Variants in ZDHHC13 observed in about 807,000 individuals in gnomAD.
ZDHHC13 encodes the protein palmitoyltransferase ZDHHC13.
ZDHHC13 carries 85 observed loss-of-function variants against 86.0 expected under a neutral mutation model. The observed-to-expected ratio is 0.99, with a 90% confidence interval of 0.83 to 1.18. ZDHHC13 has a LOEUF of 1.18. Among genes scored for constraint, ZDHHC13 ranks in the 50% most tolerant of loss-of-function variants. ZDHHC13 has a pLI of 0.00. For missense variants in ZDHHC13, 711 were observed against 730.2 expected (o/e 0.97, Z 0.30); for synonymous variants, 263 against 246.4 (o/e 1.07, Z -0.63).
chr11:19,162,835 G>A (rs1849949969), intron 10 of ZDHHC13, among the ~76,000 whole-genome samples: 2 of 152,092 alleles, frequency 1.3e-5, no homozygotes, highest in Non-Finnish European at 2.9e-5. Context: ...CTTTCACAAA[G>A]GATCTTGCCC....
intron 1 of ZDHHC13, among the ~76,000 whole-genome samples, chr11:19,129,121 T>C (rs560215480): frequency 2.6e-5 from 4 of 152,356 alleles, no homozygotes; most frequent in African/African-American, 9.6e-5. Flanking sequence ...ATTTGAAGTA[T>C]TTTACCTTTT....
rs1452480948 is a variant in ZDHHC13, at chr11:19,176,266, A to G, written c.*306A>G. Reference sequence around the variant, plus strand: ...TGGATAAAATGGAATATTTTCAGATACTATATTGGCTGTTTCAAAATAGTA... The same window carrying G: ...TGGATAAAATGGAATATTTTCAGATGCTATATTGGCTGTTTCAAAATAGTA... On this transcript the variant is annotated 3_prime_UTR_variant, in exon 17 of 17. Transcript: ENST00000446113. 7 of 207,266 alleles carry G rather than the reference A, an allele frequency of 3.4e-5. No individual in the cohort carries two copies. The highest frequency in any genetic ancestry group is 6.6e-5 in the Non-Finnish European group (7 of 105,610). The allele number at this position is 207,266 out of a possible 1,614,324, so 12.8% of individuals were successfully genotyped here. A position where few individuals can be genotyped will look rare whatever the true frequency, so the allele number is the denominator to read the frequency against.
intron 1 of ZDHHC13, among the ~76,000 whole-genome samples, chr11:19,128,880 A>G (rs1330847930): frequency 6.6e-6 from 1 of 152,214 alleles, no homozygotes; most frequent in African/African-American, 2.4e-5. Context: ...TCAACGCCAG[A>G]CCACACATAT....
intron 1 of ZDHHC13, among the ~76,000 whole-genome samples, chr11:19,121,177 T>A (rs77216857): frequency 0.036 from 5,539 of 152,286 alleles, 214 homozygotes; most frequent in East Asian, 0.21. Context: ...TTTCCAAAGG[T>A]TCATGGCAAG....
chr11:19,141,170 A>G (rs1849309907), intron 1 of ZDHHC13, among the ~76,000 whole-genome samples: 1 of 152,050 alleles, frequency 6.6e-6, no homozygotes, highest in Non-Finnish European at 1.5e-5. Flanking sequence ...ATTAAAGTTG[A>G]TTACTTTAAC....
chr11:19,126,959 C>T (rs1358311520), intron 1 of ZDHHC13, among the ~76,000 whole-genome samples: 1 of 152,110 alleles, frequency 6.6e-6, no homozygotes, highest in Non-Finnish European at 1.5e-5. Flanking sequence ...GATTTATAGT[C>T]CTTTGGGTAT....
At position 19,170,510 on chromosome 11, in the gene ZDHHC13, T is replaced by G. The variant is rs749687356; in HGVS notation, c.1574T>G (p.Met525Arg). Reference protein sequence around the residue: ...ACSPWVLYILMLATFHFSWST... With the variant: ...ACSPWVLYILRLATFHFSWST... Reference sequence around the variant, plus strand: ...TCCCCTTGGGTTTTATATATCTTGATGCTAGCAACTTTCCATTTCTCATGG... The same window carrying G: ...TCCCCTTGGGTTTTATATATCTTGAGGCTAGCAACTTTCCATTTCTCATGG... The change falls in exon 15 of 17, where the codon ATG (methionine) becomes AGG (arginine). Residue 525 changes from methionine to arginine, a missense_variant. Physicochemically the swap from Met to Arg is moderately conservative, Grantham distance 91. Coordinates refer to ENST00000446113, the MANE Select transcript of ZDHHC13 (RefSeq NM_019028.3). 4 of 1,534,620 alleles carry G rather than the reference T, an allele frequency of 2.6e-6. No individual in the cohort carries two copies. The highest frequency in any genetic ancestry group is 2.2e-5 in the Admixed American group (1 of 46,124).
intron 1 of ZDHHC13, among the ~76,000 whole-genome samples, chr11:19,129,013 T>G (rs1848934387): frequency 6.6e-6 from 1 of 152,246 alleles, no homozygotes. Context: ...AATGATATGT[T>G]TCTCAGAATA....
chr11:19,125,068 G>A (rs1470771673), intron 1 of ZDHHC13, among the ~76,000 whole-genome samples: 1 of 152,092 alleles, frequency 6.6e-6, no homozygotes, highest in Non-Finnish European at 1.5e-5. Flanking sequence ...CAAGACAGTA[G>A]TTTTTAGACG....
intron 14 of ZDHHC13, chr11:19,167,698 A>G (rs746576890): frequency 6.6e-6 from 1 of 152,220 alleles, no homozygotes; most frequent in African/African-American, 2.4e-5. Flanking sequence ...AATAGGTCTA[A>G]TAGTCAGAAG....
At position 19,175,740 on chromosome 11, in the gene ZDHHC13, A is replaced by G. The variant is rs917232829; in HGVS notation, c.1731-82A>G. ...CTGCAAGATGTTCAAAGGACATTGC[A>G]TATTATAGATTCTCCATAAATGTTT... On this transcript the variant is annotated intron_variant, in intron 16 of 16. Coordinates refer to ENST00000446113, the MANE Select transcript of ZDHHC13 (RefSeq NM_019028.3). 4.6e-5 allele frequency: 69 copies of G among 1,511,946 alleles called. No homozygotes were observed. In the East Asian group the frequency reaches 1.3e-3, roughly 28 times the overall value. The allele number at this position is 1,511,946 out of a possible 1,614,324, so 93.7% of individuals were successfully genotyped here.
chr11:19,170,670 C>A, intron 15 of ZDHHC13, 102 bp downstream of exon 15: 2 of 1,130,492 alleles, frequency 1.8e-6, no homozygotes, highest in Non-Finnish European at 2.5e-6. Context: ...CTGTTTTTAC[C>A]TCTGTCACTG....
At chr11:19,146,785 T>G (rs191044176) in intron 3 of ZDHHC13, among the ~76,000 whole-genome samples, 30 of 152,318 alleles carry the variant, frequency 2.0e-4, no homozygotes, top group African/African-American at 5.8e-4. Context: ...CTACCCATTG[T>G]TTCTTTTAAA....
chr11:19,171,071 A>G (rs1321818661), intron 15 of ZDHHC13, among the ~76,000 whole-genome samples: 2 of 152,186 alleles, frequency 1.3e-5, no homozygotes, highest in Admixed American at 1.3e-4. Context: ...GCTGTTTGTT[A>G]CCCTTATTAC....
intron 5 of ZDHHC13, among the ~76,000 whole-genome samples, chr11:19,149,920 A>G (rs1849564989): frequency 6.6e-6 from 1 of 152,232 alleles, no homozygotes; most frequent in Non-Finnish European, 1.5e-5. Flanking sequence ...GTTTGCACAA[A>G]TGCTGTTGGA....
At chr11:19,133,344 A>C (rs945515169) in intron 1 of ZDHHC13, among the ~76,000 whole-genome samples, 12 of 149,358 alleles carry the variant, frequency 8.0e-5, no homozygotes, top group Non-Finnish European at 1.5e-5. Flanking sequence ...GCTTTTGAGA[A>C]TTGTTTACAT....
intron 1 of ZDHHC13, among the ~76,000 whole-genome samples, chr11:19,138,798 A>G (rs921394766): frequency 5.3e-5 from 8 of 152,064 alleles, no homozygotes; most frequent in African/African-American, 1.5e-4. Context: ...TATAAACAGA[A>G]CCAAAGACAA....
In ZDHHC13 at chr11:19,152,833, A is replaced by G. The variant is rs964868348; in HGVS notation, c.873+149A>G. The G allele has an allele frequency of 1.5e-5, 19 of 1,296,100 alleles. No individual in the cohort carries two copies. The African/African-American group carries it at 1.9e-4, about 13-fold the overall frequency. The allele number at this position is 1,296,100 out of a possible 1,614,324, so 80.3% of individuals were successfully genotyped here. A position where few individuals can be genotyped will look rare whatever the true frequency, so the allele number is the denominator to read the frequency against. ...ATCTTTCCCCCGCATCCTATTACCC[A>G]AAGTTGGAAATTTGGCACTTTCATT... On this transcript the variant is annotated intron_variant, in intron 8 of 16. Coordinates refer to ENST00000446113, the MANE Select transcript of ZDHHC13 (RefSeq NM_019028.3).
intron 1 of ZDHHC13, among the ~76,000 whole-genome samples, chr11:19,138,945 A>C (rs1055721459): frequency 1.3e-5 from 2 of 151,678 alleles, no homozygotes; most frequent in African/African-American, 4.8e-5. Flanking sequence ...TGACAAACCC[A>C]CAGCCAATAT....
Sources: allele counts gnomAD v4.1 joint callset (sites outside exome capture counted in the v4.1 genomes callset), GRCh38; gene constraint gnomAD v4.1.1; transcripts MANE v1.5; gene names NCBI Gene and HGNC (gene_info 2026-07-23, HGNC 2026-07-21).